ENAH: variants seen among roughly 807,000 people sequenced by gnomAD.
ENAH encodes the protein protein enabled homolog.
Under a neutral mutation model 78.7 loss-of-function variants are expected in ENAH, and 23 were observed. The observed-to-expected ratio is 0.29, with a 90% CI of 0.21 to 0.41. ENAH has a LOEUF of 0.41. ENAH is among the 10% of genes least tolerant of loss of function. ENAH has a pLI of 1.00. For synonymous variants in ENAH, 226 were observed against 241.0 expected (o/e 0.94, Z 0.58); for missense variants, 544 against 691.0 (o/e 0.79, Z 2.39).
intron 1 of ENAH, among the ~76,000 whole-genome samples, chr1:225,600,703 T>G (rs1482673441): frequency 6.6e-6 from 1 of 151,856 alleles, no homozygotes; most frequent in Non-Finnish European, 1.5e-5. Flanking sequence ...ACAAAAAAAT[T>G]AAAAAATTAG....
At chr1:225,597,258 A>AG (rs1215549024) in intron 1 of ENAH, among the ~76,000 whole-genome samples, 2 of 152,218 alleles carry the variant, frequency 1.3e-5, no homozygotes, top group African/African-American at 2.4e-5. Context: ...CCTTGGAACA[A>AG]GGTCAATACT....
intron 1 of ENAH, among the ~76,000 whole-genome samples, chr1:225,593,156 C>A (rs1353613223): frequency 1.3e-5 from 2 of 152,040 alleles, no homozygotes; most frequent in East Asian, 1.9e-4. Flanking sequence ...AGTAGACCTT[C>A]CCCCCACACA....
At chr1:225,501,272 A>G in intron 11 of ENAH, 1 of 474,932 alleles carries the variant, frequency 2.1e-6, no homozygotes, top group Admixed American at 3.8e-5. Context: ...TTTCTTATTT[A>G]TAAAGGAACT....
chr1:225,560,124 T>A (rs1336245581), intron 2 of ENAH, among the ~76,000 whole-genome samples: 1 of 151,854 alleles, frequency 6.6e-6, no homozygotes, highest in East Asian at 1.9e-4. Context: ...ACTTCCTCAA[T>A]TTGGGATGGG....
In ENAH at chr1:225,594,112, T is replaced by C. The variant is rs75110226; in HGVS notation, c.6-26698A>G. Among the ~76,000 whole-genome samples the C allele has an allele frequency of 5.1e-3, 782 of 152,338 alleles. 9 individuals carry two copies. Among genetic ancestry groups the C allele is most frequent in the African/African-American group, 0.018 (741 of 41,586 alleles). On this transcript the variant is annotated intron_variant, in intron 1 of 13. Coordinates refer to ENST00000366843, the MANE Select transcript of ENAH (RefSeq NM_018212.6). ...TAGAAATTCAGAGATGATCTTGTTA[T>C]CTTGAGAACCATTCACATTGCTTCT... is the stretch of plus-strand genomic sequence containing the variant.
At chr1:225,619,407 G>A (rs1262803186) in intron 1 of ENAH, among the ~76,000 whole-genome samples, 1 of 152,130 alleles carries the variant, frequency 6.6e-6, no homozygotes, top group Non-Finnish European at 1.5e-5. Flanking sequence ...AGCTGGGCAT[G>A]GTGGCAAGCA....
chr1:225,645,062 T>TAC (rs1174997512), intron 1 of ENAH, among the ~76,000 whole-genome samples: 2 of 152,206 alleles, frequency 1.3e-5, no homozygotes, highest in African/African-American at 4.8e-5. Context: ...AAGCCACCAC[T>TAC]ACCAAGGTTT....
chr1:225,625,701 A>T (rs1007997163), intron 1 of ENAH, among the ~76,000 whole-genome samples: 1 of 152,144 alleles, frequency 6.6e-6, no homozygotes, highest in Non-Finnish European at 1.5e-5. Flanking sequence ...ATTTTTAGAG[A>T]GACAGGGTTT....
At position 225,653,063 on chromosome 1, in the gene ENAH, C is replaced by T. The variant is rs1290759054; in HGVS notation, c.-373G>A. On this transcript the variant is annotated 5_prime_UTR_variant, in exon 1 of 14. Transcript: ENST00000366843. The surrounding 1 kb of genome is among the most constrained non-coding windows in gnomAD (Gnocchi z 4.3). ...GGCCGCCGCTCCACAGGCCCGCGCT[C>T]GCCGCGCCGCCGCCGAGGCCGTGTG... 6.3e-6 allele frequency: 1 copy of T among 158,472 alleles called. No homozygotes were observed. Among genetic ancestry groups the T allele is most frequent in the South Asian group, 1.8e-4 (1 of 5,606 alleles). The allele number at this position is 158,472 out of a possible 1,614,324, so 9.8% of individuals were successfully genotyped here.
intron 2 of ENAH, among the ~76,000 whole-genome samples, chr1:225,566,899 C>T (rs1259310836): frequency 6.6e-6 from 1 of 152,230 alleles, no homozygotes; most frequent in Non-Finnish European, 1.5e-5. Flanking sequence ...ATATCCCAAA[C>T]ATTGGCAGGA....
intron 6 of ENAH, among the ~76,000 whole-genome samples, chr1:225,516,528 T>C (rs1367998347): frequency 6.6e-6 from 1 of 152,106 alleles, no homozygotes; most frequent in East Asian, 1.9e-4. Context: ...ACAATTTAGA[T>C]CATGTATTTA....
intron 1 of ENAH, among the ~76,000 whole-genome samples, chr1:225,591,108 A>G (rs1371127008): frequency 6.6e-6 from 1 of 152,244 alleles, no homozygotes; most frequent in Non-Finnish European, 1.5e-5. Flanking sequence ...GTTGCTAAGC[A>G]TATTTTGTGT....
chr1:225,561,656 AAAATT>A (rs2096706739), intron 2 of ENAH, among the ~76,000 whole-genome samples: 1 of 151,804 alleles, frequency 6.6e-6, no homozygotes, highest in Non-Finnish European at 1.5e-5. Flanking sequence ...AAAATAAAAT[AAAATT>A]AGTATGTTCA....
At position 225,503,658 on chromosome 1, in the gene ENAH, C is replaced by CAAAAAAAAAAAAAAAAAAAA. The variant is rs10683254; in HGVS notation, c.1539-2608_1539-2589dup. Among the ~76,000 whole-genome samples, 11 of 82,946 alleles carry CAAAAAAAAAAAAAAAAAAAA rather than the reference C, an allele frequency of 1.3e-4. 2 individuals carry two copies. Among genetic ancestry groups the CAAAAAAAAAAAAAAAAAAAA allele is most frequent in the Non-Finnish European group, 2.0e-4 (9 of 45,366 alleles). The allele number at this position is 82,946 out of a possible 152,430, so 54.4% of individuals were successfully genotyped here. On this transcript the variant is annotated intron_variant, in intron 11 of 13. Coordinates refer to ENST00000366843, the MANE Select transcript of ENAH (RefSeq NM_018212.6). ...ATCTTTTGGCCAAAACAAACCACCT[C>CAAAAAAAAAAAAAAAAAAAA]AAAAAAAAAAAAAAAAAAAACACAA...
chr1:225,609,656 ATTTT>A (rs59508510), intron 1 of ENAH, among the ~76,000 whole-genome samples: 2,869 of 75,916 alleles, frequency 0.038, 9 homozygotes, highest in South Asian at 0.083. Flanking sequence ...GGAAAAATGG[ATTTT>A]TTTTTTTTTT....
intron 11 of ENAH, 77 bp downstream of exon 11, chr1:225,507,874 A>AT: frequency 1.9e-6 from 2 of 1,063,978 alleles, no homozygotes; most frequent in East Asian, 2.8e-5. Flanking sequence ...TTACCATTCA[A>AT]TTTTTTTCTA....
intron 3 of ENAH, among the ~76,000 whole-genome samples, chr1:225,551,461 G>A (rs1255758272): frequency 6.6e-6 from 1 of 152,010 alleles, no homozygotes; most frequent in Non-Finnish European, 1.5e-5. Context: ...AAGAGGAAAG[G>A]AAAATTATGT....
At chr1:225,521,964 T>A (rs2096472440) in intron 4 of ENAH, among the ~76,000 whole-genome samples, 1 of 151,834 alleles carries the variant, frequency 6.6e-6, no homozygotes, top group African/African-American at 2.4e-5. Flanking sequence ...CCCGGCTAAT[T>A]TTTTGTATTT....
At position 225,581,685 on chromosome 1, in the gene ENAH, G is replaced by C. The variant is rs1191601717; in HGVS notation, c.6-14271C>G. 2.6e-5 allele frequency among the ~76,000 whole-genome samples: 4 copies of C among 151,778 alleles called. No homozygotes were observed. The East Asian group carries it at 7.7e-4, about 29-fold the overall frequency. Reference sequence around the variant, plus strand: ...CCCATAGATAAAACTATAAACTCTGGATTAAAATTAAAAAGAATTTTTTTC... The same window carrying C: ...CCCATAGATAAAACTATAAACTCTGCATTAAAATTAAAAAGAATTTTTTTC... On this transcript the variant is annotated intron_variant, in intron 1 of 13. Transcript: ENST00000366843.
Sources: gnomAD v4.1 joint callset for allele counts (sites outside exome capture counted in the v4.1 genomes callset) on GRCh38, gnomAD v4.1.1 for gene constraint, Gnocchi (gnomAD v3.1) non-coding constraint, MANE v1.5 for transcripts, NCBI Gene and HGNC (gene_info 2026-07-23, HGNC 2026-07-21) for gene names.